The following TMBIM1 variants were observed in gnomAD, a reference collection of about 807,000 sequenced individuals.
TMBIM1 encodes the protein protein lifeguard 3.
Under a neutral mutation model 45.1 loss-of-function variants are expected in TMBIM1, and 34 were observed. The observed-to-expected ratio is 0.75, with a 90% CI of 0.57 to 1.00. TMBIM1 has a LOEUF of 1.00. Ranked by LOEUF, TMBIM1 falls within the 50% of genes least tolerant of loss-of-function variation. TMBIM1 has a pLI of 0.00. For missense variants in TMBIM1, 374 were observed against 402.4 expected, an observed-to-expected ratio of 0.93 and a Z score of 0.60; for synonymous variants, 157 against 153.5, an observed-to-expected ratio of 1.02 and a Z score of -0.17.
At chr2:218,278,781 T>C (rs1333067057) in intron 5 of TMBIM1, among the ~76,000 whole-genome samples, 1 of 152,188 alleles carries the variant, frequency 6.6e-6, no homozygotes, top group Non-Finnish European at 1.5e-5. Context: ...AGGCTGCAGC[T>C]GACGGGCTGA....
Position 218,280,110 on chromosome 2 carries a change from A to G in TMBIM1, c.219T>C (p.Tyr73=), listed in dbSNP as rs1489484674. 3 of 1,613,958 alleles carry G rather than the reference A, an allele frequency of 1.9e-6. No homozygotes were observed. The highest frequency in any genetic ancestry group is 2.5e-6 in the Non-Finnish European group (3 of 1,179,840). The change falls in exon 3 of 12, where the codon TAT becomes TAC. Residue 73 remains tyrosine (Y), a synonymous_variant. Transcript: ENST00000258412. ...CACTCACTGCTCTCTCCTCCCCATC[A>G]TAGCCATGGCCTGGGCCTAGGGACA... ...MPMNYGPGHG[Y]DGEERAVSDS...
At chr2:218,277,597 C>T in intron 8 of TMBIM1, 36 bp downstream of exon 8, 1 of 1,614,062 alleles carries the variant, frequency 6.2e-7, no homozygotes, top group Non-Finnish European at 8.5e-7. Flanking sequence ...CCACAATACA[C>T]ATTTCCCAAG....
rs1358397559 is a variant in TMBIM1 at position 218,277,381 on chromosome 2, G to A, written c.624C>T (p.Phe208=). 10 of 1,614,164 alleles carry A rather than the reference G, an allele frequency of 6.2e-6. No homozygotes were observed. The highest frequency in any genetic ancestry group is 1.7e-5 in the Admixed American group (1 of 60,028). ...ATGCCCTCACCTTGGTCTGAAAGCA[G>A]AAGATGGTGACTGAAATGGATACCA... ...TAVVSISVTI[F]CFQTKVDFTS... The change falls in exon 9 of 12, where the codon TTC becomes TTT. Residue 208 remains phenylalanine (F), a synonymous_variant. Transcript: ENST00000258412.
intron 1 of TMBIM1, chr2:218,290,195 A>G (rs960034544): frequency 2.0e-5 from 3 of 151,954 alleles, no homozygotes; most frequent in African/African-American, 7.3e-5. Flanking sequence ...AACAATCCAC[A>G]CCCCCTTCTT....
rs10675061 is a variant in TMBIM1 at position 218,289,625 on chromosome 2, G to GAAAAA, written c.-41+2836_-41+2840dup. On this transcript the variant is annotated intron_variant, in intron 1 of 11. Coordinates refer to ENST00000258412, the MANE Select transcript of TMBIM1 (RefSeq NM_022152.6). Reference sequence around the variant, plus strand: ...CCACTGCACTCCAGCCTGGGCGACAGAAAAAAAAAAAAAAAAAAAAACTGA... The same window carrying GAAAAA: ...CCACTGCACTCCAGCCTGGGCGACAGAAAAAAAAAAAAAAAAAAAAAAAAAACTGA... Among the ~76,000 whole-genome samples the GAAAAA allele has an allele frequency of 1.8e-4, 16 of 87,740 alleles. 5 individuals are homozygous for GAAAAA. Among genetic ancestry groups the GAAAAA allele is most frequent in the Admixed American group, 1.5e-4 (1 of 6,822 alleles). The allele number at this position is 87,740 out of a possible 152,430, so 57.6% of individuals were successfully genotyped here.
chr2:218,287,662 A>G (rs1308493818), intron 1 of TMBIM1, among the ~76,000 whole-genome samples: 1 of 152,134 alleles, frequency 6.6e-6, no homozygotes, highest in Non-Finnish European at 1.5e-5. Context: ...GTGAGCCAAG[A>G]ACATGCCATT....
Position 218,281,660 on chromosome 2 carries a change from G to A in TMBIM1, c.202+280C>T, listed in dbSNP as rs149071451. 4.0e-4 allele frequency among the ~76,000 whole-genome samples: 61 copies of A among 152,292 alleles called. 2 individuals are homozygous for A. In the East Asian group the frequency reaches 0.011, roughly 27 times the overall value. ...GGTGCCCTGAGGTAACCCCTCAGGA[G>A]TCATTACTTGGCCCAGCCCCATTCT... On this transcript the variant is annotated intron_variant, in intron 2 of 11. Transcript: ENST00000258412.
chr2:218,277,499 T>C lies in TMBIM1; in HGVS notation c.552-46A>G, dbSNP rs201608914. 5 of 1,610,170 alleles carry C rather than the reference T, an allele frequency of 3.1e-6. No individual in the cohort carries two copies. The Admixed American group carries it at 6.7e-5, about 21-fold the overall frequency. ...CAGACAAGAGGCATTAAGCCACGTA[T>C]GAATGACTTCAAAATCACCACTTCC... On this transcript the variant is annotated intron_variant, in intron 8 of 11. Transcript: ENST00000258412.
intron 1 of TMBIM1, chr2:218,290,058 G>A (rs992157): frequency 0.47 from 71,207 of 151,978 alleles, 18,603 homozygotes; most frequent in South Asian, 0.63. Flanking sequence ...GAAAGGAGTA[G>A]GGACTTGTTT....
Position 218,280,084 on chromosome 2 carries a change from T to C in TMBIM1, c.245A>G (p.Asp82Gly). 6.2e-7 allele frequency: 1 copy of C among 1,614,084 alleles called. No homozygotes were observed. Among genetic ancestry groups the C allele is most frequent in the Non-Finnish European group, 8.5e-7 (1 of 1,179,970 alleles). Residue 82 changes from aspartate (D) to glycine (G), a missense_variant, in exon 3 of 12, where the codon GAT becomes GGT. By Grantham distance (94) the Asp-to-Gly change is moderately conservative. Transcript: ENST00000258412. Reference sequence around the variant, plus strand: ...ATCCCACTCTCCAGGCCCGAAGCTATCACTCACTGCTCTCTCCTCCCCATC... The same window carrying C: ...ATCCCACTCTCCAGGCCCGAAGCTACCACTCACTGCTCTCTCCTCCCCATC... ...GYDGEERAVSDSFGPGEWDDR... is the reference protein window; with the variant it reads ...GYDGEERAVSGSFGPGEWDDR...
intron 1 of TMBIM1, 64 bp downstream of exon 1, chr2:218,292,402 A>G (rs1692994339): frequency 1.3e-5 from 2 of 152,218 alleles, no homozygotes; most frequent in African/African-American, 2.4e-5. Flanking sequence ...TGGCCGCCCC[A>G]GCCCTGGACC....
In TMBIM1 at chr2:218,282,073, A is replaced by AG; in HGVS notation, c.68dup (p.Gly24TrpfsTer51). 3 of 1,555,070 alleles carry AG rather than the reference A, an allele frequency of 1.9e-6. No individual in the cohort carries two copies. Among genetic ancestry groups the AG allele is most frequent in the African/African-American group, 1.4e-5 (1 of 70,994 alleles). ...GGACAGATGGCTGCCCATAGCCCCC[A>AG]GGGGGCGGAGGGCCTGGGTACAGGG... On this transcript the variant is annotated frameshift_variant, in exon 2 of 12. Coordinates refer to ENST00000258412, the MANE Select transcript of TMBIM1 (RefSeq NM_022152.6). LOFTEE classifies it high-confidence loss of function.
Position 218,292,303 on chromosome 2 carries a change from A to G in TMBIM1, c.-41+163T>C, listed in dbSNP as rs367810878. On this transcript the variant is annotated intron_variant, in intron 1 of 11. Transcript: ENST00000258412. Reference sequence around the variant, plus strand: ...GGAGAGCGAAACGCCAAGGGCCAGGAGGGGAGATCCCCATCTGGAACGGGC... The same window carrying G: ...GGAGAGCGAAACGCCAAGGGCCAGGGGGGGAGATCCCCATCTGGAACGGGC... Among the ~76,000 whole-genome samples, 3 of 152,160 alleles carry G rather than the reference A, an allele frequency of 2.0e-5. No homozygotes were observed. The East Asian group carries it at 5.8e-4, about 30-fold the overall frequency.
chr2:218,277,710 G>C (rs1351936480), intron 7 of TMBIM1, 40 bp from the exon 8 acceptor site: 3 of 1,613,418 alleles, frequency 1.9e-6, no homozygotes, highest in Non-Finnish European at 2.5e-6. Context: ...CACTTAAAAA[G>C]GAAGGAAGGC....
Position 218,282,077 on chromosome 2 carries a change from G to T in TMBIM1, c.65C>A (p.Pro22His), listed in dbSNP as rs745434057. ...AGATGGCTGCCCATAGCCCCCAGGG[G>T]GCGGAGGGCCTGGGTACAGGGGGTT... ...DRNPLYPGPPPPGGYGQPSVL... is the reference protein window; with the variant it reads ...DRNPLYPGPPHPGGYGQPSVL... The change falls in exon 2 of 12, where the codon CCC becomes CAC. Residue 22 changes from proline (P) to histidine (H), a missense_variant. By Grantham distance (77) the Pro-to-His change is moderately conservative. Transcript: ENST00000258412. 1.4e-5 allele frequency: 22 copies of T among 1,595,684 alleles called. No individual in the cohort carries two copies. The highest frequency in any genetic ancestry group is 1.8e-5 in the Non-Finnish European group (21 of 1,172,014).
intron 2 of TMBIM1, 23 bp downstream of exon 2, chr2:218,281,917 C>T: frequency 7.0e-6 from 11 of 1,562,864 alleles, no homozygotes; most frequent in Non-Finnish European, 6.9e-6. Context: ...CACCCACCTT[C>T]CATCTGCCCT....
At chr2:218,276,166 T>A in intron 10 of TMBIM1, 87 bp from the exon 11 acceptor site, 3 of 1,439,616 alleles carry the variant, frequency 2.1e-6, no homozygotes, top group South Asian at 2.4e-5. Context: ...GATAGTGGCA[T>A]GAGAGTGGGT....
At chr2:218,292,420 ACCGCCCACAGTCCCCAACGGCG>A (rs1338040011) in intron 1 of TMBIM1, 24 bp downstream of exon 1, 1 of 152,228 alleles carries the variant, frequency 6.6e-6, no homozygotes, top group African/African-American at 2.4e-5. Flanking sequence ...ACCAGTCCCC[ACCGCCCACAGTCCCCAACGGCG>A]CCGGCCCCGG....
chr2:218,275,766 C>G (rs1691137683), intron 11 of TMBIM1, 145 bp from the exon 12 acceptor site: 1 of 1,067,858 alleles, frequency 9.4e-7, no homozygotes, highest in Admixed American at 2.8e-5. Flanking sequence ...GGGCTCTATA[C>G]TGTAGCTGCT....
Sources: allele counts gnomAD v4.1 joint callset (sites outside exome capture counted in the v4.1 genomes callset), GRCh38; gene constraint gnomAD v4.1.1; transcripts MANE v1.5; gene names NCBI Gene and HGNC (gene_info 2026-07-23, HGNC 2026-07-21).